The following TLE4 variants were observed in gnomAD, a reference collection of about 807,000 sequenced individuals.
TLE4 encodes transducin-like enhancer protein 4.
TLE4 carries 8 observed loss-of-function variants against 92.8 expected under a neutral mutation model. That is an observed-to-expected ratio of 0.09 (90% CI 0.05 to 0.16). The LOEUF is 0.16. TLE4 is among the 10% of genes least tolerant of loss of function. The pLI, the probability that TLE4 is intolerant of heterozygous loss-of-function variation, is 1.00. For missense variants in TLE4, 675 were observed against 997.6 expected (o/e 0.68, Z 4.36); for synonymous variants, 371 against 374.1 (o/e 0.99, Z 0.10).
intron 6 of TLE4, among the ~76,000 whole-genome samples, chr9:79,647,916 G>A (rs1466798875): frequency 3.3e-5 from 5 of 151,920 alleles, no homozygotes; most frequent in Admixed American, 3.3e-4. Context: ...GAGAAAGTAG[G>A]CAGGAGTTTA....
chr9:79,577,348 A>G (rs1430163273), intron 4 of TLE4, among the ~76,000 whole-genome samples: 2 of 152,198 alleles, frequency 1.3e-5, no homozygotes, highest in East Asian at 3.8e-4. Context: ...TTGGAAAACA[A>G]AAAGTTGGAA....
chr9:79,724,636 G>T (rs1442892085), intron 19 of TLE4, among the ~76,000 whole-genome samples: 7 of 151,912 alleles, frequency 4.6e-5, no homozygotes, highest in Non-Finnish European at 8.8e-5. Flanking sequence ...TTGAGCCCAG[G>T]AGTTCGAGAC....
intron 4 of TLE4, among the ~76,000 whole-genome samples, chr9:79,581,091 G>A (rs1179117517): frequency 6.6e-6 from 1 of 152,182 alleles, no homozygotes; most frequent in East Asian, 1.9e-4. Flanking sequence ...AATGTTAACG[G>A]AGTGAAGGGT....
chr9:79,695,807 A>G (rs1345566113), intron 8 of TLE4, among the ~76,000 whole-genome samples: 5 of 152,238 alleles, frequency 3.3e-5, no homozygotes, highest in African/African-American at 1.2e-4. Context: ...AAAAGATGCT[A>G]GCCACTCAGG....
At chr9:79,672,423 G>T (rs1324330254) in intron 8 of TLE4, among the ~76,000 whole-genome samples, 1 of 152,102 alleles carries the variant, frequency 6.6e-6, no homozygotes, top group Admixed American at 6.5e-5. Context: ...GTCTGGCAAA[G>T]GTTTAGGAGA....
At chr9:79,681,026 T>C (rs1417996169) in intron 8 of TLE4, among the ~76,000 whole-genome samples, 2 of 152,184 alleles carry the variant, frequency 1.3e-5, no homozygotes, top group Non-Finnish European at 1.5e-5. Flanking sequence ...GGATTCGTTT[T>C]GCCAGTATTT....
intron 4 of TLE4, among the ~76,000 whole-genome samples, chr9:79,606,694 A>G (rs112654031): frequency 0.02 from 3,120 of 152,208 alleles, 109 homozygotes; most frequent in African/African-American, 0.068. Context: ...TGTCTCTGCA[A>G]AGGACATGAA....
intron 8 of TLE4, among the ~76,000 whole-genome samples, chr9:79,668,531 G>A (rs868587012): frequency 3.3e-5 from 5 of 152,168 alleles, no homozygotes; most frequent in African/African-American, 4.8e-5. Flanking sequence ...GGAGGTCACC[G>A]TATCTTGTAA....
At chr9:79,611,963 C>T (rs951876696) in intron 4 of TLE4, among the ~76,000 whole-genome samples, 3 of 148,088 alleles carry the variant, frequency 2.0e-5, no homozygotes, top group Admixed American at 6.7e-5. Context: ...AAAAAAAGTT[C>T]CCAAGGATAG....
At chr9:79,624,254 T>C (rs1376022981) in intron 5 of TLE4, among the ~76,000 whole-genome samples, 1 of 152,134 alleles carries the variant, frequency 6.6e-6, no homozygotes, top group Admixed American at 6.5e-5. Context: ...TTTTTCTCTT[T>C]TGTGTGTAAT....
chr9:79,653,909 A>C, intron 7 of TLE4, 150 bp from the exon 8 acceptor site: 1 of 913,142 alleles, frequency 1.1e-6, no homozygotes, highest in Non-Finnish European at 1.7e-6. Context: ...TTAATAATTA[A>C]TTTTACAGCA....
Position 79,589,011 on chromosome 9 carries a change from A to G in TLE4, c.252+12834A>G, listed in dbSNP as rs188050225. On this transcript the variant is annotated intron_variant, in intron 4 of 19. Transcript: ENST00000376552. The stretch of plus-strand genomic sequence containing the variant: ...TGTGATGATATTTGGGGTTGTCACA[A>G]CTTGGAGTTGCTACTGGCATGTAGT... Among the ~76,000 whole-genome samples, 4 of 152,254 alleles carry G rather than the reference A, an allele frequency of 2.6e-5. No individual in the cohort carries two copies. In the East Asian group the frequency reaches 5.8e-4, roughly 22 times the overall value.
chr9:79,704,698 AAAAG>A (rs1283035207), intron 8 of TLE4, 81 bp from the exon 9 acceptor site: 3 of 1,532,776 alleles, frequency 2.0e-6, no homozygotes, highest in Non-Finnish European at 2.6e-6. Context: ...GAATAAAAAG[AAAAG>A]AAAGTCTCAA....
intron 4 of TLE4, among the ~76,000 whole-genome samples, chr9:79,584,514 G>A (rs1233122884): frequency 1.3e-5 from 2 of 152,218 alleles, no homozygotes; most frequent in Admixed American, 1.3e-4. Flanking sequence ...TCTCGTGCTA[G>A]ATTGTAAGCT....
chr9:79,605,421 AT>A (rs1371723370), intron 4 of TLE4, among the ~76,000 whole-genome samples: 1 of 152,108 alleles, frequency 6.6e-6, no homozygotes, highest in Non-Finnish European at 1.5e-5. Flanking sequence ...AACCTTGATA[AT>A]TTATCTCTCT....
chr9:79,710,852 A>G lies in TLE4; in HGVS notation c.1340+1153A>G, dbSNP rs575402478. ...TGAAAACAGAACAGAACTTTCTGCTATTCAGTTATAGAAGCAGTCTCACTG... is the reference window on the plus strand; with the variant it reads ...TGAAAACAGAACAGAACTTTCTGCTGTTCAGTTATAGAAGCAGTCTCACTG... On this transcript the variant is annotated intron_variant, in intron 14 of 19. Transcript: ENST00000376552. 2.6e-5 allele frequency among the ~76,000 whole-genome samples: 4 copies of G among 152,208 alleles called. No homozygotes were observed. In the South Asian group the frequency reaches 8.3e-4, roughly 32 times the overall value.
rs556132070 is a variant in TLE4, at chr9:79,676,866, A to G, written c.609+22791A>G. Among the ~76,000 whole-genome samples the G allele has an allele frequency of 5.3e-5, 8 of 152,318 alleles. No homozygotes were observed. The South Asian group carries it at 1.4e-3, about 28-fold the overall frequency. On this transcript the variant is annotated intron_variant, in intron 8 of 19. Transcript: ENST00000376552. ...ATTAGTTTGAGCTAAATGTTATTCT[A>G]TATAGATATTCTCAGTGAAATGTTG...
intron 4 of TLE4, chr9:79,576,898 G>C (rs1430162603): frequency 5.9e-5 from 9 of 151,558 alleles, no homozygotes; most frequent in African/African-American, 2.2e-4. Context: ...AAATGGTTTG[G>C]CTTAAATTTC....
chr9:79,612,893 G>A lies in TLE4; in HGVS notation c.315+175G>A, dbSNP rs2048683706. On this transcript the variant is annotated intron_variant, in intron 5 of 19. Coordinates refer to ENST00000376552, the MANE Select transcript of TLE4 (RefSeq NM_007005.6). ...CTTGTATACCTTAGTAACTTTCTGT[G>A]GGATATAATTTATATGTGTTTACAT... Among the ~76,000 whole-genome samples, 4 of 152,086 alleles carry A rather than the reference G, an allele frequency of 2.6e-5. No homozygotes were observed. The South Asian group carries it at 8.3e-4, about 32-fold the overall frequency.
Sources: allele counts gnomAD v4.1 joint callset (sites outside exome capture counted in the v4.1 genomes callset), GRCh38; gene constraint gnomAD v4.1.1; transcripts MANE v1.5; gene names NCBI Gene and HGNC (gene_info 2026-07-23, HGNC 2026-07-21).